Variants in TRIM37 observed in about 807,000 individuals in gnomAD.
TRIM37 encodes the protein E3 ubiquitin-protein ligase TRIM37.
TRIM37 carries 80 observed loss-of-function variants against 129.8 expected under a neutral mutation model. That is an observed-to-expected ratio of 0.62 (90% CI 0.51 to 0.74). TRIM37 has a LOEUF of 0.74. Among genes scored for constraint, TRIM37 ranks in the 30% least tolerant of loss-of-function variants. The pLI is 0.00. For missense variants in TRIM37, 1,054 were observed against 1,176.5 expected, an observed-to-expected ratio of 0.90 and a Z score of 1.52; for synonymous variants, 389 against 387.1, an observed-to-expected ratio of 1.00 and a Z score of -0.06.
chr17:59,007,335 TAA>T (rs2034674692), intron 22 of TRIM37, among the ~76,000 whole-genome samples: 1 of 151,518 alleles, frequency 6.6e-6, no homozygotes, highest in African/African-American at 2.4e-5. Context: ...TTTGTTAATG[TAA>T]AAGAGTTAAT....
In TRIM37 at chr17:59,089,718, A is replaced by G. The variant is rs2044116539; in HGVS notation, c.165-1311T>C. The stretch of plus-strand genomic sequence containing the variant: ...AAGTGATCGACAGCCACACACAACT[A>G]GTGGCTACCATACTGGACAGTGTAG... On this transcript the variant is annotated intron_variant, in intron 3 of 23. Coordinates refer to ENST00000262294, the MANE Select transcript of TRIM37 (RefSeq NM_015294.6). 2.0e-5 allele frequency among the ~76,000 whole-genome samples: 3 copies of G among 152,222 alleles called. No individual in the cohort carries two copies. The South Asian group carries it at 6.2e-4, about 31-fold the overall frequency.
At chr17:59,012,768 T>C (rs2035454498) in intron 21 of TRIM37, among the ~76,000 whole-genome samples, 1 of 151,544 alleles carries the variant, frequency 6.6e-6, no homozygotes, top group African/African-American at 2.4e-5. Flanking sequence ...TCCCAGCTAC[T>C]CGGGAGGCTG....
chr17:59,007,207 TA>T (rs2034625479), intron 22 of TRIM37, among the ~76,000 whole-genome samples: 1 of 34,918 alleles, frequency 2.9e-5, no homozygotes, highest in African/African-American at 1.5e-4. Flanking sequence ...ACACACACAC[TA>T]AAACCACCCC....
chr17:59,006,569 G>A lies in TRIM37; in HGVS notation c.2696-4855C>T, dbSNP rs150010334. 1.9e-3 allele frequency among the ~76,000 whole-genome samples: 289 copies of A among 152,232 alleles called. 2 individuals carry two copies. Among genetic ancestry groups the A allele is most frequent in the African/African-American group, 6.4e-3 (267 of 41,544 alleles). On this transcript the variant is annotated intron_variant, in intron 22 of 23. Coordinates refer to ENST00000262294, the MANE Select transcript of TRIM37 (RefSeq NM_015294.6). Reference sequence around the variant, plus strand: ...CCCTTACCACATATCCATGTGGAACGAGTTGGTGAGGGAGACCAACTAACT... The same window carrying A: ...CCCTTACCACATATCCATGTGGAACAAGTTGGTGAGGGAGACCAACTAACT...
Position 59,030,275 on chromosome 17 carries a change from T to G in TRIM37, c.1949-1552A>C, listed in dbSNP as rs575808490. On this transcript the variant is annotated intron_variant, in intron 18 of 23. Transcript: ENST00000262294. ...CACCTGCCACAATGGCCGGCTAATT[T>G]TTTGTATTTTTAGTAGAGACAGGGT... Among the ~76,000 whole-genome samples the G allele has an allele frequency of 2.0e-5, 3 of 152,330 alleles. 1 individual carries two copies. Among genetic ancestry groups the G allele is most frequent in the Admixed American group, 2.0e-4 (3 of 15,300 alleles).
chr17:59,045,652 AG>A (rs2039713998), intron 16 of TRIM37, among the ~76,000 whole-genome samples: 1 of 151,448 alleles, frequency 6.6e-6, no homozygotes, highest in Non-Finnish European at 1.5e-5. Context: ...AAAAAAAAAA[AG>A]AAAAAAGAAA....
chr17:59,061,141 A>G (rs1445359070), intron 11 of TRIM37, 33 bp from the exon 12 acceptor site: 2 of 1,578,938 alleles, frequency 1.3e-6, no homozygotes, highest in Non-Finnish European at 1.7e-6. Context: ...GAGTGTAAAA[A>G]AATTAAGCCA....
intron 16 of TRIM37, among the ~76,000 whole-genome samples, chr17:59,042,449 A>AAT (rs71145518): frequency 0.014 from 520 of 35,970 alleles, 5 homozygotes; most frequent in East Asian, 0.02. Context: ...AAAAAAAAAA[A>AAT]ATATATATAT....
chr17:58,992,817 TCCTGAGTCATCTCATTAGCATACA>T (rs1242386318), intron 24 of TRIM37, among the ~76,000 whole-genome samples: 1 of 152,168 alleles, frequency 6.6e-6, no homozygotes, highest in African/African-American at 2.4e-5. Context: ...CCAGCCCCGA[TCCTGAGTCATCTCATTAGCATACA>T]CTAGCAAGGC....
At chr17:59,029,612 GCAGGC>G (rs1412761741) in intron 18 of TRIM37, among the ~76,000 whole-genome samples, 1 of 151,726 alleles carries the variant, frequency 6.6e-6, no homozygotes, top group African/African-American at 2.4e-5. Flanking sequence ...CAAAGCCCAA[GCAGGC>G]CACGTGCAGT....
chr17:59,095,456 G>T (rs1479175037), intron 2 of TRIM37, among the ~76,000 whole-genome samples: 1 of 152,160 alleles, frequency 6.6e-6, no homozygotes, highest in Non-Finnish European at 1.5e-5. Context: ...GGGTTGAAGG[G>T]TAAGTAGATG....
intron 2 of TRIM37, among the ~76,000 whole-genome samples, chr17:59,097,205 T>A (rs2044980115): frequency 6.6e-6 from 1 of 151,992 alleles, no homozygotes; most frequent in East Asian, 1.9e-4. Context: ...TCAGGAAAAA[T>A]TCCCCTTAAG....
intron 21 of TRIM37, among the ~76,000 whole-genome samples, chr17:59,015,212 C>A (rs1038455456): frequency 6.6e-6 from 1 of 151,788 alleles, no homozygotes; most frequent in Non-Finnish European, 1.5e-5. Context: ...CTGAGGTGGG[C>A]GTATCACTTG....
intron 24 of TRIM37, among the ~76,000 whole-genome samples, chr17:58,991,265 G>C (rs2032376219): frequency 6.6e-6 from 1 of 152,006 alleles, no homozygotes; most frequent in Admixed American, 6.6e-5. Context: ...GCCAGGCAGG[G>C]TGGCTCATGC....
intron 17 of TRIM37, among the ~76,000 whole-genome samples, chr17:59,037,921 T>G (rs1024274443): frequency 2.6e-5 from 4 of 152,192 alleles, no homozygotes; most frequent in African/African-American, 9.6e-5. Flanking sequence ...GTATGTCAAA[T>G]ATTTTGTAGA....
intron 2 of TRIM37, among the ~76,000 whole-genome samples, chr17:59,093,289 G>T (rs1041188656): frequency 6.6e-6 from 1 of 152,146 alleles, no homozygotes; most frequent in African/African-American, 2.4e-5. Flanking sequence ...ACAATGGCAT[G>T]ACCATGCCAC....
At chr17:59,056,738 A>AG in intron 13 of TRIM37, 137 bp downstream of exon 13, 1 of 445,920 alleles carries the variant, frequency 2.2e-6, no homozygotes, top group Non-Finnish European at 3.8e-6. Flanking sequence ...AAAAAAAAAA[A>AG]AAAAAAAAAG....
At chr17:59,035,480 G>A (rs1175159448) in intron 17 of TRIM37, among the ~76,000 whole-genome samples, 2 of 151,954 alleles carry the variant, frequency 1.3e-5, no homozygotes, top group Admixed American at 1.3e-4. Context: ...ACAGCCAGGC[G>A]CGGTGGTTCA....
Position 59,081,947 on chromosome 17 carries a change from AAAAAAT to A in TRIM37, c.370-734_370-729del, listed in dbSNP as rs1324709495. ...TTTAATAATAAAAACCAAAAAAAAAAAAAAATAAAAAAAAAAAAATAATAATAATAA... is the reference window on the plus strand; with the variant it reads ...TTTAATAATAAAAACCAAAAAAAAAAAAAAAAAAAAAAATAATAATAATAA... On this transcript the variant is annotated intron_variant, in intron 5 of 23. Coordinates refer to ENST00000262294, the MANE Select transcript of TRIM37 (RefSeq NM_015294.6). Among the ~76,000 whole-genome samples the A allele has an allele frequency of 5.8e-3, 713 of 123,914 alleles. 9 individuals carry two copies. Among genetic ancestry groups the A allele is most frequent in the African/African-American group, 0.021 (626 of 29,962 alleles). The allele number at this position is 123,914 out of a possible 152,430, so 81.3% of individuals were successfully genotyped here.
Sources: gnomAD v4.1 joint callset for allele counts (sites outside exome capture counted in the v4.1 genomes callset) on GRCh38, gnomAD v4.1.1 for gene constraint, MANE v1.5 for transcripts, NCBI Gene and HGNC (gene_info 2026-07-23, HGNC 2026-07-21) for gene names.